Variants in ENPP2 observed in about 807,000 individuals in gnomAD.
The protein encoded by ENPP2 is autotaxin.
A neutral mutation model predicts 120.2 loss-of-function variants in ENPP2; 51 were observed. The ratio of observed to expected loss-of-function variants is 0.42; its 90% CI spans 0.34 to 0.54. ENPP2 has a LOEUF of 0.54. Ranked by LOEUF, ENPP2 falls within the 20% of genes least tolerant of loss-of-function variation. ENPP2 has a pLI of 0.04. For missense variants in ENPP2, 920 were observed against 1,066.5 expected (o/e 0.86, Z 1.91); for synonymous variants, 365 against 366.4 (o/e 1.00, Z 0.04).
chr8:119,578,977 A>G (rs1464916863), intron 19 of ENPP2, among the ~76,000 whole-genome samples: 2 of 152,228 alleles, frequency 1.3e-5, no homozygotes, highest in Non-Finnish European at 2.9e-5. Flanking sequence ...ATGTAAGCTA[A>G]TAACTCAAGC....
intron 23 of ENPP2, 26 bp from the exon 24 acceptor site, chr8:119,563,039 C>A: frequency 6.2e-7 from 1 of 1,607,508 alleles, no homozygotes; most frequent in South Asian, 1.1e-5. Context: ...AAAACGAAGT[C>A]ACAGTTGATG....
intron 1 of ENPP2, among the ~76,000 whole-genome samples, chr8:119,658,800 A>C (rs918522660): frequency 6.6e-6 from 1 of 152,166 alleles, no homozygotes; most frequent in African/African-American, 2.4e-5. Flanking sequence ...AAACCCCAGC[A>C]CTGTCCCTGG....
intron 8 of ENPP2, among the ~76,000 whole-genome samples, chr8:119,610,903 T>TAAAAAAAAAA (rs541673414): frequency 1.5e-5 from 2 of 136,532 alleles, no homozygotes; most frequent in African/African-American, 5.5e-5. Context: ...ATTCTGTCTT[T>TAAAAAAAAAA]AAAAAAAAAA....
chr8:119,610,548 A>G (rs906754938), intron 8 of ENPP2, among the ~76,000 whole-genome samples: 3 of 152,200 alleles, frequency 2.0e-5, no homozygotes, highest in Admixed American at 6.5e-5. Context: ...ATTCAGAGAT[A>G]TAAGTGTCAA....
chr8:119,619,173 C>T, intron 5 of ENPP2, 71 bp downstream of exon 5: 1 of 1,120,474 alleles, frequency 8.9e-7, no homozygotes, highest in South Asian at 1.3e-5. Flanking sequence ...CTAAATACTT[C>T]TCTTTTCATT....
At chr8:119,608,117 A>C in intron 8 of ENPP2, 140 bp from the exon 9 acceptor site, 1 of 542,874 alleles carries the variant, frequency 1.8e-6, no homozygotes, top group Non-Finnish European at 3.3e-6. Flanking sequence ...GCAACCATTT[A>C]TTTTCACATC....
intron 1 of ENPP2, among the ~76,000 whole-genome samples, chr8:119,663,642 G>T (rs889563111): frequency 1.3e-5 from 2 of 152,122 alleles, no homozygotes; most frequent in African/African-American, 4.8e-5. Flanking sequence ...GGGAGGAAAA[G>T]AATTGCATTC....
Position 119,622,005 on chromosome 8 carries a change from T to C in ENPP2, c.293-486A>G, listed in dbSNP as rs1815935631. Among the ~76,000 whole-genome samples, 6 of 152,288 alleles carry C rather than the reference T, an allele frequency of 3.9e-5. No individual in the cohort carries two copies. In the South Asian group the frequency reaches 1.2e-3, roughly 32 times the overall value. On this transcript the variant is annotated intron_variant, in intron 3 of 24. Coordinates refer to ENST00000075322, the MANE Select transcript of ENPP2 (RefSeq NM_001040092.3). ...GTGCTGTGGCGCAATCTCGGCTCAC[T>C]GTAACCTCCGCCTCCCTGGTTCAAG...
chr8:119,563,875 T>G (rs907020763), intron 23 of ENPP2, among the ~76,000 whole-genome samples: 2 of 151,830 alleles, frequency 1.3e-5, no homozygotes, highest in Non-Finnish European at 2.9e-5. Context: ...ATTCTGTAAT[T>G]ATCTCTAAAT....
chr8:119,586,912 T>C (rs66698379), intron 14 of ENPP2, 132 bp downstream of exon 14: 49,725 of 718,182 alleles, frequency 0.069, 2,012 homozygotes, highest in Non-Finnish European at 0.083. Context: ...GAAACAAATA[T>C]ACAGGATGGC....
intron 23 of ENPP2, 144 bp downstream of exon 23, chr8:119,564,679 A>G (rs563200988): frequency 4.6e-5 from 15 of 324,888 alleles, no homozygotes; most frequent in East Asian, 2.7e-4. Context: ...CGCCGTCTCA[A>G]AAAAATATAT....
At chr8:119,622,210 T>C (rs1458197141) in intron 3 of ENPP2, among the ~76,000 whole-genome samples, 1 of 152,214 alleles carries the variant, frequency 6.6e-6, no homozygotes, top group Non-Finnish European at 1.5e-5. Flanking sequence ...ATTACAGGCA[T>C]GAGCCACAGC....
chr8:119,659,348 T>C (rs1024921827), intron 1 of ENPP2, among the ~76,000 whole-genome samples: 2 of 93,446 alleles, frequency 2.1e-5, no homozygotes, highest in Admixed American at 2.0e-4. Flanking sequence ...CCAGAGTTCT[T>C]AAGAATTTTC....
At chr8:119,642,279 TAA>T (rs1357953112), upstream of ENPP2, among the ~76,000 whole-genome samples, 2 of 152,228 alleles carry the variant, frequency 1.3e-5, no homozygotes, top group African/African-American at 2.4e-5. Context: ...TTTTTTTATT[TAA>T]GTTAGTGTAC....
At chr8:119,649,333 C>T (rs1211476224) in intron 1 of ENPP2, among the ~76,000 whole-genome samples, 2 of 148,120 alleles carry the variant, frequency 1.4e-5, no homozygotes, top group Non-Finnish European at 3.0e-5. Flanking sequence ...ACCTGGGAGG[C>T]GGAGCTTGCA....
At chr8:119,650,761 T>A (rs1307400069) in intron 1 of ENPP2, among the ~76,000 whole-genome samples, 1 of 152,170 alleles carries the variant, frequency 6.6e-6, no homozygotes, top group Non-Finnish European at 1.5e-5. Context: ...AACTGGGAGT[T>A]TGTCAGAGCA....
chr8:119,669,979 T>G, intron 1 of ENPP2, among the ~76,000 whole-genome samples: 1 of 152,220 alleles, frequency 6.6e-6, no homozygotes, highest in Non-Finnish European at 1.5e-5. Flanking sequence ...GCTTGCCCAC[T>G]GGCCCATTCT....
At chr8:119,596,744 G>A (rs1335966690) in intron 11 of ENPP2, among the ~76,000 whole-genome samples, 2 of 151,998 alleles carry the variant, frequency 1.3e-5, no homozygotes, top group African/African-American at 4.8e-5. Context: ...TCTCTTTTTT[G>A]TCTTGGTATA....
intron 1 of ENPP2, among the ~76,000 whole-genome samples, chr8:119,666,225 C>T (rs947889812): frequency 3.3e-5 from 5 of 151,944 alleles, no homozygotes; most frequent in African/African-American, 1.2e-4. Context: ...TTGTACTTTC[C>T]TTTTTTGATT....
Sources: gnomAD v4.1 joint callset for allele counts (sites outside exome capture counted in the v4.1 genomes callset) on GRCh38, gnomAD v4.1.1 for gene constraint, MANE v1.5 for transcripts, NCBI Gene and HGNC (gene_info 2026-07-23, HGNC 2026-07-21) for gene names.